The following ARHGEF10 variants were observed in gnomAD, a reference collection of about 807,000 sequenced individuals.
The protein encoded by ARHGEF10 is Rho guanine nucleotide exchange factor 10.
A neutral mutation model predicts 147.4 loss-of-function variants in ARHGEF10; 140 were observed. That is an observed-to-expected ratio of 0.95 (90% CI 0.83 to 1.09). ARHGEF10 has a LOEUF of 1.09. Ranked by LOEUF, ARHGEF10 falls within the 50% of genes least tolerant of loss-of-function variation. The pLI, the probability that ARHGEF10 is intolerant of heterozygous loss-of-function variation, is 0.00. For missense variants in ARHGEF10, 2,222 were observed against 1,752.7 expected, an observed-to-expected ratio of 1.27 and a Z score of -4.78; for synonymous variants, 902 against 695.8, an observed-to-expected ratio of 1.30 and a Z score of -4.67.
chr8:1,848,940 T>A (rs1354893831), intron 2 of ARHGEF10, among the ~76,000 whole-genome samples: 2 of 152,218 alleles, frequency 1.3e-5, no homozygotes, highest in African/African-American at 4.8e-5. Context: ...TAAGTTTTTT[T>A]ATTTATGGCT....
chr8:1,834,108 C>G (rs569400406), intron 1 of ARHGEF10, among the ~76,000 whole-genome samples: 1 of 152,308 alleles, frequency 6.6e-6, no homozygotes, highest in South Asian at 2.1e-4. Context: ...GGGGTGGACT[C>G]TCATGGCACG....
intron 1 of ARHGEF10, among the ~76,000 whole-genome samples, chr8:1,837,283 A>G (rs1803643485): frequency 6.6e-6 from 1 of 151,794 alleles, no homozygotes; most frequent in African/African-American, 2.4e-5. Context: ...TGCTCTCTGC[A>G]CAGGGCTGCC....
intron 1 of ARHGEF10, among the ~76,000 whole-genome samples, chr8:1,840,793 T>G (rs1411329968): frequency 4.6e-5 from 7 of 152,194 alleles, no homozygotes; most frequent in Admixed American, 4.6e-4. Flanking sequence ...CCTCCAAGGA[T>G]AACATCCTTT....
chr8:1,933,777 G>A (rs1813342634), intron 25 of ARHGEF10, 23 bp from the exon 26 acceptor site: 1 of 1,613,976 alleles, frequency 6.2e-7, no homozygotes, highest in African/African-American at 1.3e-5. Flanking sequence ...GAACTTGAAT[G>A]AAATGAAATA....
chr8:1,836,378 C>G (rs891637172), intron 1 of ARHGEF10, among the ~76,000 whole-genome samples: 1 of 152,116 alleles, frequency 6.6e-6, no homozygotes, highest in Admixed American at 6.5e-5. Flanking sequence ...GTCCATCTCA[C>G]CTGCACCAGG....
chr8:1,852,907 G>T (rs961720163), intron 2 of ARHGEF10, among the ~76,000 whole-genome samples: 52 of 152,274 alleles, frequency 3.4e-4, no homozygotes, highest in African/African-American at 1.1e-3. Context: ...TCAAGCTGCC[G>T]GTGACCCACA....
intron 1 of ARHGEF10, among the ~76,000 whole-genome samples, chr8:1,838,166 T>C (rs551373189): frequency 6.4e-4 from 97 of 152,318 alleles, no homozygotes; most frequent in Non-Finnish European, 1.1e-3. Flanking sequence ...CGGGGGTGCC[T>C]GGTGCCTTCC....
At chr8:1,952,288 A>G (rs559227883) in intron 27 of ARHGEF10, among the ~76,000 whole-genome samples, 1 of 152,276 alleles carries the variant, frequency 6.6e-6, no homozygotes, top group Admixed American at 6.5e-5. Flanking sequence ...ACCTCTCCTC[A>G]CTTGTAAAGG....
intron 26 of ARHGEF10, among the ~76,000 whole-genome samples, chr8:1,940,937 AAAC>A (rs1814040181): frequency 6.6e-6 from 1 of 152,256 alleles, no homozygotes; most frequent in African/African-American, 2.4e-5. Context: ...TTTATGATAA[AAAC>A]AATCAAACTA....
chr8:1,874,896 GGCC>G (rs1239170126), intron 7 of ARHGEF10, among the ~76,000 whole-genome samples: 7 of 30,842 alleles, frequency 2.3e-4, no homozygotes, highest in Non-Finnish European at 3.4e-4. Context: ...ACACACCCGG[GGCC>G]GTGTAGGGGG....
chr8:1,830,411 T>G (rs1336890433), intron 1 of ARHGEF10, among the ~76,000 whole-genome samples: 1 of 152,226 alleles, frequency 6.6e-6, no homozygotes, highest in African/African-American at 2.4e-5. Flanking sequence ...CTTGAGGCCT[T>G]TCTCTGTTGG....
intron 27 of ARHGEF10, among the ~76,000 whole-genome samples, chr8:1,950,452 G>A (rs1407811361): frequency 5.9e-5 from 9 of 152,174 alleles, no homozygotes; most frequent in Middle Eastern, 3.2e-3. Flanking sequence ...CTTTTACGTC[G>A]TTCCTGGGTA....
At chr8:1,916,489 T>C (rs1811769299) in intron 18 of ARHGEF10, among the ~76,000 whole-genome samples, 1 of 152,236 alleles carries the variant, frequency 6.6e-6, no homozygotes, top group African/African-American at 2.4e-5. Context: ...AACTGGATTT[T>C]AGTCACGGGG....
At chr8:1,956,395 T>A (rs530716194) in intron 28 of ARHGEF10, among the ~76,000 whole-genome samples, 50 of 152,298 alleles carry the variant, frequency 3.3e-4, no homozygotes, top group African/African-American at 1.2e-3. Context: ...TTAGGAAAAT[T>A]TGGGATATTT....
chr8:1,847,860 C>G (rs1478571724), intron 2 of ARHGEF10, among the ~76,000 whole-genome samples: 1 of 152,204 alleles, frequency 6.6e-6, no homozygotes, highest in Non-Finnish European at 1.5e-5. Context: ...TTCCAAGCCC[C>G]AGGAAAAGTA....
At chr8:1,850,157 C>T (rs1245917692) in intron 2 of ARHGEF10, among the ~76,000 whole-genome samples, 100 of 130,764 alleles carry the variant, frequency 7.6e-4, no homozygotes, top group Non-Finnish European at 1.3e-3. Context: ...GGGGCGGCCA[C>T]GTGGACACAG....
At chr8:1,932,595 A>G (rs1007774436) in intron 25 of ARHGEF10, among the ~76,000 whole-genome samples, 1 of 152,214 alleles carries the variant, frequency 6.6e-6, no homozygotes, top group South Asian at 2.1e-4. Flanking sequence ...CCCTGTGCAG[A>G]TATTACAAAG....
chr8:1,946,611 C>A (rs772448442), intron 27 of ARHGEF10, among the ~76,000 whole-genome samples: 2 of 152,222 alleles, frequency 1.3e-5, no homozygotes, highest in South Asian at 4.1e-4. Flanking sequence ...ACCCTAATCA[C>A]GTCCCCAAAG....
intron 26 of ARHGEF10, among the ~76,000 whole-genome samples, chr8:1,944,209 C>A (rs1329174658): frequency 6.6e-6 from 1 of 150,944 alleles, no homozygotes; most frequent in Non-Finnish European, 1.5e-5. Flanking sequence ...CCCCAGCCTC[C>A]TGCACCATGT....
Sources: allele counts gnomAD v4.1 joint callset (sites outside exome capture counted in the v4.1 genomes callset), GRCh38; gene constraint gnomAD v4.1.1; transcripts MANE v1.5; gene names NCBI Gene and HGNC (gene_info 2026-07-23, HGNC 2026-07-21).